SLC5A12: variants seen among roughly 807,000 people sequenced by gnomAD.
The protein encoded by SLC5A12 is sodium-coupled monocarboxylate transporter 2.
Under a neutral mutation model 72.7 loss-of-function variants are expected in SLC5A12, and 46 were observed. The ratio of observed to expected loss-of-function variants is 0.63; its 90% CI spans 0.50 to 0.81. The LOEUF (loss-of-function observed/expected upper bound fraction) is 0.81. SLC5A12 is among the 30% of genes least tolerant of loss of function. The pLI, the probability that SLC5A12 is intolerant of heterozygous loss-of-function variation, is 0.00. For missense variants in SLC5A12, 683 were observed against 740.7 expected (o/e 0.92, Z 0.90); for synonymous variants, 275 against 264.4 (o/e 1.04, Z -0.39).
intron 13 of SLC5A12, among the ~76,000 whole-genome samples, chr11:26,676,112 G>T (rs1039781987): frequency 6.6e-6 from 1 of 152,010 alleles, no homozygotes; most frequent in Non-Finnish European, 1.5e-5. Context: ...GAATATTTTT[G>T]ATCTGTCTCT....
At chr11:26,680,414 C>CATATATATATGTATATATAT (rs1854383937) in intron 12 of SLC5A12, among the ~76,000 whole-genome samples, 2 of 53,928 alleles carry the variant, frequency 3.7e-5, no homozygotes, top group Non-Finnish European at 8.8e-5. Flanking sequence ...TATATATTTC[C>CATATATATATGTATATATAT]TCATTTTTCC....
chr11:26,721,329 A>C lies in SLC5A12; in HGVS notation c.339+47T>G, dbSNP rs753355927. 27 of 1,433,876 alleles carry C rather than the reference A, an allele frequency of 1.9e-5. No individual in the cohort carries two copies. In the African/African-American group the frequency reaches 3.4e-4, roughly 18 times the overall value. The allele number at this position is 1,433,876 out of a possible 1,614,324, so 88.8% of individuals were successfully genotyped here. A position where few individuals can be genotyped will look rare whatever the true frequency, so the allele number is the denominator to read the frequency against. ...CTTCAACTACCAGGTGCTATCATCA[A>C]GAGGATGAGAAAAAAAAATTAGAGA... On this transcript the variant is annotated intron_variant, in intron 1 of 14. Coordinates refer to ENST00000396005, the MANE Select transcript of SLC5A12 (RefSeq NM_178498.4).
chr11:26,682,419 A>T (rs755541213), intron 11 of SLC5A12, among the ~76,000 whole-genome samples: 1 of 152,136 alleles, frequency 6.6e-6, no homozygotes, highest in Admixed American at 6.6e-5. Context: ...TTGATCTATA[A>T]TGGCTAGCTG....
intron 6 of SLC5A12, among the ~76,000 whole-genome samples, chr11:26,699,386 A>G (rs1247200903): frequency 6.6e-6 from 1 of 152,198 alleles, no homozygotes; most frequent in Admixed American, 6.5e-5. Context: ...TTATTTCAAA[A>G]TCCTCTAAAA....
At chr11:26,709,448 A>G (rs1855169120) in intron 3 of SLC5A12, 69 bp from the exon 4 acceptor site, 2 of 1,131,266 alleles carry the variant, frequency 1.8e-6, no homozygotes, top group South Asian at 2.8e-5. Context: ...TTTTATGAGG[A>G]AAAAGACACA....
Position 26,667,337 on chromosome 11 carries a change from T to C in SLC5A12, c.*3765A>G, listed in dbSNP as rs946934992. 3.9e-5 allele frequency: 6 copies of C among 151,972 alleles called. No homozygotes were observed. The highest frequency in any genetic ancestry group is 7.4e-5 in the Non-Finnish European group (5 of 67,878). The allele number at this position is 151,972 out of a possible 1,614,324, so 9.4% of individuals were successfully genotyped here. A position where few individuals can be genotyped will look rare whatever the true frequency, so the allele number is the denominator to read the frequency against. On this transcript the variant is annotated 3_prime_UTR_variant, in exon 15 of 15. Transcript: ENST00000396005. ...TTTTTTCCGTATCTGATCTTTGTAA[T>C]AATGTTTGATTAAGACTGTAACAGC...
chr11:26,680,361 G>GTATATATATTCATATATATA (rs1854375904), intron 12 of SLC5A12, among the ~76,000 whole-genome samples: 1 of 113,904 alleles, frequency 8.8e-6, no homozygotes, highest in Non-Finnish European at 1.8e-5. Flanking sequence ...ATATATATAT[G>GTATATATATTCATATATATA]TATATATATT....
chr11:26,685,581 C>G (rs1485422247), intron 10 of SLC5A12, among the ~76,000 whole-genome samples: 1 of 151,464 alleles, frequency 6.6e-6, no homozygotes, highest in East Asian at 2.0e-4. Context: ...GTAATCCAGC[C>G]TGGGTGACAG....
intron 14 of SLC5A12, among the ~76,000 whole-genome samples, chr11:26,672,660 C>T (rs1484816231): frequency 6.6e-6 from 1 of 152,098 alleles, no homozygotes; most frequent in Non-Finnish European, 1.5e-5. Flanking sequence ...CTCTGAAGTA[C>T]CCCACCTTGC....
chr11:26,723,105 TAAAA>T (rs1017387319), upstream of SLC5A12, among the ~76,000 whole-genome samples: 1 of 151,322 alleles, frequency 6.6e-6, no homozygotes, highest in Non-Finnish European at 1.5e-5. Context: ...TTGTAGAAAA[TAAAA>T]AAAATAATTT....
At chr11:26,702,784 A>T (rs1854989404) in intron 6 of SLC5A12, among the ~76,000 whole-genome samples, 1 of 152,178 alleles carries the variant, frequency 6.6e-6, no homozygotes, top group South Asian at 2.1e-4. Flanking sequence ...GAGTACAAAC[A>T]TCTGTTAAGT....
At position 26,670,292 on chromosome 11, in the gene SLC5A12, AT is replaced by A. The variant is rs1469062903; in HGVS notation, c.*809del. ...CTATCCTAACAACCTTCTATAGGAC[AT>A]TCCTTTTCTCTTTCCTTAGCCCTGG... On this transcript the variant is annotated 3_prime_UTR_variant, in exon 15 of 15. Transcript: ENST00000396005. 1 of 152,136 alleles carries A rather than the reference AT, an allele frequency of 6.6e-6. No homozygotes were observed. Among genetic ancestry groups the A allele is most frequent in the African/African-American group, 2.4e-5 (1 of 41,442 alleles). The allele number at this position is 152,136 out of a possible 1,614,324, so 9.4% of individuals were successfully genotyped here.
At chr11:26,675,711 G>A (rs1854248993) in intron 13 of SLC5A12, among the ~76,000 whole-genome samples, 1 of 152,122 alleles carries the variant, frequency 6.6e-6, no homozygotes, top group Non-Finnish European at 1.5e-5. Context: ...TCTATGCCAA[G>A]GTACTGACTC....
intron 10 of SLC5A12, among the ~76,000 whole-genome samples, chr11:26,684,717 T>C (rs531868740): frequency 2.0e-5 from 3 of 152,144 alleles, no homozygotes; most frequent in East Asian, 3.9e-4. Flanking sequence ...TTTGGAGGAG[T>C]CCTTGCCTAT....
chr11:26,694,762 C>A (rs1854769101), intron 8 of SLC5A12, among the ~76,000 whole-genome samples: 1 of 151,880 alleles, frequency 6.6e-6, no homozygotes, highest in African/African-American at 2.4e-5. Context: ...AAAATTTTAC[C>A]AAAATATACC....
intron 1 of SLC5A12, among the ~76,000 whole-genome samples, chr11:26,713,554 G>A (rs954338203): frequency 3.3e-5 from 5 of 152,082 alleles, no homozygotes; most frequent in Admixed American, 1.3e-4. Context: ...TTAGATCATT[G>A]ATGAAAGCAT....
At chr11:26,720,104 A>T (rs1235225166) in intron 1 of SLC5A12, among the ~76,000 whole-genome samples, 1 of 152,164 alleles carries the variant, frequency 6.6e-6, no homozygotes, top group African/African-American at 2.4e-5. Flanking sequence ...TTTCTTACAC[A>T]GTATATGTTT....
At chr11:26,716,337 GT>G (rs1855349360) in intron 1 of SLC5A12, 1 of 152,128 alleles carries the variant, frequency 6.6e-6, no homozygotes, top group South Asian at 2.1e-4. Flanking sequence ...TCTGTGATCT[GT>G]GCTTCAGGAT....
intron 1 of SLC5A12, among the ~76,000 whole-genome samples, chr11:26,720,666 C>G (rs989368254): frequency 4.6e-5 from 7 of 152,028 alleles, no homozygotes; most frequent in Admixed American, 2.0e-4. Context: ...TATGTTTGAT[C>G]ACATTTCTAT....
Sources: allele counts gnomAD v4.1 joint callset (sites outside exome capture counted in the v4.1 genomes callset), GRCh38; gene constraint gnomAD v4.1.1; transcripts MANE v1.5; gene names NCBI Gene and HGNC (gene_info 2026-07-23, HGNC 2026-07-21).